RIGI: variants seen among roughly 807,000 people sequenced by gnomAD.
RIGI encodes RNA sensor RIG-I, also known as antiviral innate immune response receptor RIG-I.
chr9:32,521,767 T>C, the RIGI span, among the ~76,000 whole-genome samples: 91 of 152,240 alleles, frequency 6.0e-4, no homozygotes, highest in African/African-American at 2.1e-3. Context: ...CAGGACTATA[T>C]GAGATTCCTA....
chr9:32,508,419 G>A, the RIGI span, among the ~76,000 whole-genome samples: 1 of 151,664 alleles, frequency 6.6e-6, no homozygotes, highest in Non-Finnish European at 1.5e-5. Context: ...CACTGGGACT[G>A]GATAGACAGT....
At chr9:32,467,807 G>C in the RIGI span, 2 of 1,608,436 alleles carry the variant, frequency 1.2e-6, no homozygotes, top group Non-Finnish European at 1.7e-6. Flanking sequence ...TACTCATAAA[G>C]GATGACAAGA....
chr9:32,498,982 CAAAAAAA>C, the RIGI span, among the ~76,000 whole-genome samples: 1 of 97,634 alleles, frequency 1.0e-5, no homozygotes, highest in Non-Finnish European at 2.0e-5. Context: ...GACTCTGTCT[CAAAAAAA>C]AAAAAAAAAA....
chr9:32,489,502 C>CA, the RIGI span: 1 of 1,163,126 alleles, frequency 8.6e-7, no homozygotes, highest in African/African-American at 1.5e-5. Flanking sequence ...TCTGAGGAAT[C>CA]ACGGCAATAG....
chr9:32,481,580 TTC>T, the RIGI span: 2 of 1,028,856 alleles, frequency 1.9e-6, no homozygotes, highest in South Asian at 3.5e-5. Context: ...CCCTCTAATT[TTC>T]TTTTTCTTTT....
At chr9:32,493,951 A>T in the RIGI span, 1 of 1,563,346 alleles carries the variant, frequency 6.4e-7, no homozygotes, top group East Asian at 2.3e-5. Context: ...ACCTGAAAAA[A>T]AAGAAAAAAA....
chr9:32,461,641 A>G, the RIGI span, among the ~76,000 whole-genome samples: 4 of 152,158 alleles, frequency 2.6e-5, no homozygotes, highest in African/African-American at 9.7e-5. Context: ...AGCACAGGGT[A>G]AATGCCCATC....
chr9:32,492,291 T>C, the RIGI span: 2 of 1,307,280 alleles, frequency 1.5e-6, no homozygotes, highest in Middle Eastern at 2.0e-4. Context: ...GAGATGTAGC[T>C]CTGGCTATCT....
the RIGI span, among the ~76,000 whole-genome samples, chr9:32,524,427 A>G: frequency 6.6e-6 from 1 of 152,140 alleles, no homozygotes; most frequent in Non-Finnish European, 1.5e-5. Flanking sequence ...ACTGGTCACT[A>G]GAATGCCATT....
chr9:32,464,716 AG>A, the RIGI span, among the ~76,000 whole-genome samples: 1 of 152,172 alleles, frequency 6.6e-6, no homozygotes, highest in Non-Finnish European at 1.5e-5. Context: ...CCCTTTGAGC[AG>A]GGCAGCTGGG....
At chr9:32,496,294 A>T in the RIGI span, among the ~76,000 whole-genome samples, 1 of 152,156 alleles carries the variant, frequency 6.6e-6, no homozygotes, top group Non-Finnish European at 1.5e-5. Context: ...TTCTGTGTCA[A>T]CTTGACTGGG....
At chr9:32,467,209 G>A in the RIGI span, among the ~76,000 whole-genome samples, 1 of 152,088 alleles carries the variant, frequency 6.6e-6, no homozygotes, top group Non-Finnish European at 1.5e-5. Context: ...AATAAAGTTG[G>A]AATGAAATAG....
chr9:32,520,510 T>C, the RIGI span, among the ~76,000 whole-genome samples: 1 of 152,142 alleles, frequency 6.6e-6, no homozygotes, highest in Non-Finnish European at 1.5e-5. Context: ...AAGCCTCGTC[T>C]TCAGACTCAG....
At chr9:32,504,716 T>C in the RIGI span, among the ~76,000 whole-genome samples, 45 of 142,500 alleles carry the variant, frequency 3.2e-4, no homozygotes, top group African/African-American at 9.5e-4. Flanking sequence ...ACATTTAATA[T>C]ATATAAAATA....
the RIGI span, among the ~76,000 whole-genome samples, chr9:32,510,370 T>A: frequency 2.0e-5 from 3 of 152,164 alleles, no homozygotes; most frequent in Admixed American, 2.0e-4. Context: ...GGGAAGCCCA[T>A]CAGACTAACA....
the RIGI span, among the ~76,000 whole-genome samples, chr9:32,504,938 ATATT>A: frequency 8.8e-6 from 1 of 113,812 alleles, no homozygotes; most frequent in South Asian, 3.0e-4. Flanking sequence ...GATATAATAT[ATATT>A]TAAACATATA....
the RIGI span, among the ~76,000 whole-genome samples, chr9:32,516,277 A>G: frequency 6.6e-6 from 1 of 152,074 alleles, no homozygotes; most frequent in Non-Finnish European, 1.5e-5. Context: ...GGTCAGGGAG[A>G]TGGAGTTGAG....
At chr9:32,516,401 C>G in the RIGI span, among the ~76,000 whole-genome samples, 1 of 152,308 alleles carries the variant, frequency 6.6e-6, no homozygotes, top group South Asian at 2.1e-4. Flanking sequence ...CTAGGCCAAA[C>G]CCCTGGTGCT....
chr9:32,456,153 C>G, the RIGI span: 2 of 152,156 alleles, frequency 1.3e-5, no homozygotes, highest in African/African-American at 4.8e-5. Context: ...GATCTGAGAA[C>G]AGACATTCAG....
Sources: gnomAD v4.1 joint callset for allele counts (sites outside exome capture counted in the v4.1 genomes callset) on GRCh38, gnomAD v4.1.1 for gene constraint, MANE v1.5 for transcripts, NCBI Gene and HGNC (gene_info 2026-07-23, HGNC 2026-07-21) for gene names.